GSR: variants seen among roughly 807,000 people sequenced by gnomAD.
GSR encodes glutathione reductase, mitochondrial.
Under a neutral mutation model 56.5 loss-of-function variants are expected in GSR, and 48 were observed. The observed-to-expected ratio is 0.85, with a 90% CI of 0.67 to 1.08. GSR has a LOEUF of 1.08. Among genes scored for constraint, GSR ranks in the 50% least tolerant of loss-of-function variants. GSR has a pLI of 0.00. For synonymous variants in GSR, 264 were observed against 270.8 expected, an observed-to-expected ratio of 0.97 and a Z score of 0.25; for missense variants, 694 against 703.3, an observed-to-expected ratio of 0.99 and a Z score of 0.15.
chr8:30,703,579 T>C (rs1803820155), intron 4 of GSR, among the ~76,000 whole-genome samples: 2 of 151,968 alleles, frequency 1.3e-5, no homozygotes. Flanking sequence ...AAACCCAGTC[T>C]CTACTAAAAA....
chr8:30,683,280 G>C (rs1031543181), intron 10 of GSR, among the ~76,000 whole-genome samples: 2 of 152,170 alleles, frequency 1.3e-5, no homozygotes, highest in Non-Finnish European at 2.9e-5. Context: ...GGAGCTAAAA[G>C]GGTTTGGGTG....
intron 5 of GSR, among the ~76,000 whole-genome samples, chr8:30,702,058 TA>T (rs969313837): frequency 1.4e-5 from 2 of 147,038 alleles, no homozygotes; most frequent in African/African-American, 5.0e-5. Flanking sequence ...TAATATAAAA[TA>T]AAATAATAGG....
At chr8:30,697,092 G>A (rs1365498835) in intron 6 of GSR, among the ~76,000 whole-genome samples, 1 of 151,856 alleles carries the variant, frequency 6.6e-6, no homozygotes, top group African/African-American at 2.4e-5. Context: ...TTGAGCCTGG[G>A]CAATAAAGTG....
intron 6 of GSR, among the ~76,000 whole-genome samples, chr8:30,698,576 A>G (rs8190983): frequency 0.01 from 1,579 of 152,318 alleles, 19 homozygotes; most frequent in African/African-American, 0.036. Context: ...GGTATCTTCA[A>G]GGGACATTTT....
intron 1 of GSR, 135 bp from the exon 2 acceptor site, chr8:30,712,223 T>C: frequency 1.7e-6 from 1 of 571,748 alleles, no homozygotes; most frequent in Non-Finnish European, 3.2e-6. Context: ...TAAATTCTAG[T>C]TACTTTCTTT....
intron 9 of GSR, among the ~76,000 whole-genome samples, chr8:30,688,902 G>A (rs1443182269): frequency 2.0e-5 from 3 of 151,860 alleles, no homozygotes; most frequent in Non-Finnish European, 4.4e-5. Context: ...CAGCCTGGGT[G>A]ACAGAGCAAG....
At position 30,709,915 on chromosome 8, in the gene GSR, A is replaced by G; in HGVS notation, c.334-13T>C. 6.8e-7 allele frequency: 1 copy of G among 1,468,090 alleles called. No homozygotes were observed. Among genetic ancestry groups the G allele is most frequent in the Non-Finnish European group, 9.5e-7 (1 of 1,057,234 alleles). 90.9% of individuals were successfully genotyped at this position (1,468,090 alleles called of 1,614,324 possible). On this transcript the variant is annotated splice_polypyrimidine_tract_variant and intron_variant, in intron 2 of 12. Coordinates refer to ENST00000221130, the MANE Select transcript of GSR (RefSeq NM_000637.5). ...TGTTCCACATTACCTGTAAAAAAAA[A>G]AAAAAAAAAGGATCCAAAACAGCAG...
intron 2 of GSR, among the ~76,000 whole-genome samples, chr8:30,710,764 A>T (rs765932525): frequency 0.064 from 9,349 of 146,958 alleles, 450 homozygotes; most frequent in African/African-American, 0.11. Context: ...AAAAAAGAAA[A>T]AAAAATATAT....
At chr8:30,689,012 C>A in intron 9 of GSR, 149 bp downstream of exon 9, 3 of 682,918 alleles carry the variant, frequency 4.4e-6, no homozygotes, top group Admixed American at 2.4e-5. Flanking sequence ...AAGGAAGAAG[C>A]AATGAAATTT....
At chr8:30,699,339 T>C (rs1323117408) in intron 6 of GSR, among the ~76,000 whole-genome samples, 1 of 151,672 alleles carries the variant, frequency 6.6e-6, no homozygotes, top group Non-Finnish European at 1.5e-5. Context: ...CCAGGTGTGG[T>C]GGCTCACATC....
chr8:30,692,936 G>C, intron 8 of GSR, 33 bp downstream of exon 8: 1 of 1,339,410 alleles, frequency 7.5e-7, no homozygotes, highest in East Asian at 2.3e-5. Flanking sequence ...GATTGACTGG[G>C]GGCCGCGTGC....
At position 30,678,115 on chromosome 8, in the gene GSR, G is replaced by GA. The variant is rs1158041638; in HGVS notation, c.*1404dup. On this transcript the variant is annotated 3_prime_UTR_variant, in exon 13 of 13. Transcript: ENST00000221130. ...TTTTCAAATTTTTGGAAGTTTTTCA[G>GA]AAAAAAATAAAATGACAAGAACACA... 1 of 151,614 alleles carries GA rather than the reference G, an allele frequency of 6.6e-6. No homozygotes were observed. The highest frequency in any genetic ancestry group is 1.9e-4 in the East Asian group (1 of 5,192). The allele number at this position is 151,614 out of a possible 1,614,324, so 9.4% of individuals were successfully genotyped here. A position where few individuals can be genotyped will look rare whatever the true frequency, so the allele number is the denominator to read the frequency against.
intron 7 of GSR, among the ~76,000 whole-genome samples, chr8:30,694,091 C>T (rs1803473305): frequency 6.6e-6 from 1 of 152,150 alleles, no homozygotes; most frequent in Non-Finnish European, 1.5e-5. Flanking sequence ...TAATACTTAC[C>T]TATGAAAAAA....
At position 30,697,826 on chromosome 8, in the gene GSR, C is replaced by A. The variant is rs8190989; in HGVS notation, c.696-1347G>T. On this transcript the variant is annotated intron_variant, in intron 6 of 12. Coordinates refer to ENST00000221130, the MANE Select transcript of GSR (RefSeq NM_000637.5). ...GCCTGAGCCTCCCAAGTAGCCAAGA[C>A]TACCAGCATGTGCCAACACACCCAG... 3.1e-3 allele frequency among the ~76,000 whole-genome samples: 477 copies of A among 152,252 alleles called. 2 individuals carry two copies. The highest frequency in any genetic ancestry group is 4.0e-3 in the Non-Finnish European group (270 of 68,030).
At chr8:30,709,926 G>T (rs201695016) in intron 2 of GSR, 24 bp from the exon 3 acceptor site, 3 of 1,065,778 alleles carry the variant, frequency 2.8e-6, no homozygotes, top group South Asian at 1.3e-5. Flanking sequence ...AAAAAAAAAG[G>T]ATCCAAAACA....
chr8:30,716,275 C>A (rs565296768), intron 1 of GSR, among the ~76,000 whole-genome samples: 1 of 152,294 alleles, frequency 6.6e-6, no homozygotes, highest in African/African-American at 2.4e-5. Context: ...GGGCCAGAAA[C>A]CAGAGGAAGA....
At chr8:30,716,396 CT>C (rs1804334171) in intron 1 of GSR, among the ~76,000 whole-genome samples, 1 of 152,260 alleles carries the variant, frequency 6.6e-6, no homozygotes, top group Non-Finnish European at 1.5e-5. Flanking sequence ...TGAAATACCA[CT>C]GTCCTATTTT....
chr8:30,683,457 G>A (rs1803025159), intron 10 of GSR, among the ~76,000 whole-genome samples: 1 of 152,094 alleles, frequency 6.6e-6, no homozygotes, highest in Admixed American at 6.6e-5. Context: ...TGGGATGCCG[G>A]AGAGAAGGAA....
rs528873810 is a variant in GSR, at chr8:30,680,771, C to T, written c.1419+133G>A. On this transcript the variant is annotated intron_variant, in intron 12 of 12. Transcript: ENST00000221130. ...GAAGAACCCCAAAATGCAGGTAAGA[C>T]AGATCAAAGTGGGCCTGTCCAGTTG... 54 of 811,172 alleles carry T rather than the reference C, an allele frequency of 6.7e-5. No individual in the cohort carries two copies. The African/African-American group carries it at 8.3e-4, about 13-fold the overall frequency. 50.2% of individuals were successfully genotyped at this position (811,172 alleles called of 1,614,324 possible).
Sources: allele counts gnomAD v4.1 joint callset (sites outside exome capture counted in the v4.1 genomes callset), GRCh38; gene constraint gnomAD v4.1.1; transcripts MANE v1.5; gene names NCBI Gene and HGNC (gene_info 2026-07-23, HGNC 2026-07-21).